Variants in PCDHA4 observed in about 807,000 individuals in gnomAD.
PCDHA4 encodes protocadherin alpha-4.
In PCDHA4, 49 loss-of-function variants were observed where a neutral mutation model predicts 61.4. That is an observed-to-expected ratio of 0.80 (90% CI 0.63 to 1.01). The LOEUF (loss-of-function observed/expected upper bound fraction) is 1.01. Ranked by LOEUF, PCDHA4 falls within the 50% of genes least tolerant of loss-of-function variation. The probability of loss-of-function intolerance (pLI) is 0.00; values close to 1 mark genes in which losing one functional copy is unlikely to be tolerated. For synonymous variants in PCDHA4, 590 were observed against 550.3 expected (o/e 1.07, Z -1.01); for missense variants, 1,254 against 1,235.8 (o/e 1.01, Z -0.22).
At chr5:140,998,850 A>T (rs904977478) in intron 3 of PCDHA4, among the ~76,000 whole-genome samples, 1 of 152,234 alleles carries the variant, frequency 6.6e-6, no homozygotes, top group African/African-American at 2.4e-5. Context: ...GGTGTGAGCC[A>T]CATGCCTGGC....
chr5:140,968,866 A>C, intron 1 of PCDHA4: 1 of 1,614,230 alleles, frequency 6.2e-7, no homozygotes, highest in Non-Finnish European at 8.5e-7. Context: ...GCCCTCGGAC[A>C]TACTCTGAAA....
At chr5:140,814,732 A>G (rs1021205164) in intron 1 of PCDHA4, 1 of 152,210 alleles carries the variant, frequency 6.6e-6, no homozygotes, top group African/African-American at 2.4e-5. Flanking sequence ...TTTCAGCTCC[A>G]TTATAATCTT....
chr5:140,877,982 T>A, intron 1 of PCDHA4: 1 of 1,221,278 alleles, frequency 8.2e-7, no homozygotes, highest in Non-Finnish European at 1.1e-6. Flanking sequence ...CTTACTCATT[T>A]TGAACTTTTA....
At chr5:140,995,860 A>C (rs1220139939) in intron 3 of PCDHA4, among the ~76,000 whole-genome samples, 1 of 152,220 alleles carries the variant, frequency 6.6e-6, no homozygotes, top group Non-Finnish European at 1.5e-5. Flanking sequence ...CGTATCACTT[A>C]ATAATTGTGC....
intron 1 of PCDHA4, chr5:140,843,075 T>C: frequency 6.3e-7 from 1 of 1,595,272 alleles, no homozygotes; most frequent in Non-Finnish European, 8.6e-7. Context: ...CCGCGGTCTG[T>C]GGGCGCGGGC....
chr5:140,830,290 G>C lies in PCDHA4; in HGVS notation c.2385+20718G>C, dbSNP rs2150184535. On this transcript the variant is annotated intron_variant, in intron 1 of 3. Transcript: ENST00000530339. Reference sequence around the variant, plus strand: ...CGCCACCCACCGAGGGCGCGTGCACGGCGGACAAGCCCACGCTGGTGTGCT... The same window carrying C: ...CGCCACCCACCGAGGGCGCGTGCACCGCGGACAAGCCCACGCTGGTGTGCT... 10 of 1,613,848 alleles carry C rather than the reference G, an allele frequency of 6.2e-6. No homozygotes were observed. In the African/African-American group the frequency reaches 9.3e-5, roughly 15 times the overall value.
chr5:140,819,098 AT>A (rs1766490568), intron 1 of PCDHA4, among the ~76,000 whole-genome samples: 2 of 152,214 alleles, frequency 1.3e-5, no homozygotes, highest in African/African-American at 4.8e-5. Flanking sequence ...TGTGTATTAT[AT>A]GCTCATGGTA....
chr5:140,848,546 G>A, intron 1 of PCDHA4: 1 of 1,595,440 alleles, frequency 6.3e-7, no homozygotes, highest in Non-Finnish European at 8.6e-7. Context: ...TACTGCTCTC[G>A]CTTCTGATCC....
At chr5:140,933,220 T>G (rs1179526168) in intron 1 of PCDHA4, among the ~76,000 whole-genome samples, 3 of 151,968 alleles carry the variant, frequency 2.0e-5, no homozygotes, top group African/African-American at 7.2e-5. Flanking sequence ...TCTGTTATAT[T>G]GCATTTATGA....
intron 1 of PCDHA4, among the ~76,000 whole-genome samples, chr5:140,904,512 C>A (rs1251570223): frequency 2.0e-5 from 3 of 151,738 alleles, no homozygotes; most frequent in African/African-American, 7.3e-5. Flanking sequence ...GTGAATTGTG[C>A]TGCTATAAAC....
At chr5:140,937,739 C>T (rs1563162684) in intron 1 of PCDHA4, among the ~76,000 whole-genome samples, 1 of 151,716 alleles carries the variant, frequency 6.6e-6, no homozygotes, top group African/African-American at 2.4e-5. Context: ...GGTGAAACCC[C>T]GTCTCTACTA....
At chr5:140,917,522 G>A (rs931609211) in intron 1 of PCDHA4, among the ~76,000 whole-genome samples, 1 of 152,144 alleles carries the variant, frequency 6.6e-6, no homozygotes, top group Non-Finnish European at 1.5e-5. Context: ...TTTATTCTAC[G>A]GTTTGTATAG....
intron 1 of PCDHA4, among the ~76,000 whole-genome samples, chr5:140,886,844 AAAAG>A (rs1232979230): frequency 6.0e-5 from 9 of 150,634 alleles, no homozygotes; most frequent in Non-Finnish European, 8.9e-5. Flanking sequence ...AAAAAAAAAA[AAAAG>A]AAAGGTCTTC....
chr5:140,992,460 G>T (rs1554252924), intron 3 of PCDHA4, among the ~76,000 whole-genome samples: 1 of 152,170 alleles, frequency 6.6e-6, no homozygotes, highest in African/African-American at 2.4e-5. Context: ...GCAGAGGACA[G>T]TACTCTTTAG....
At chr5:140,906,914 GC>G (rs2073038837) in intron 1 of PCDHA4, among the ~76,000 whole-genome samples, 1 of 152,182 alleles carries the variant, frequency 6.6e-6, no homozygotes, top group Admixed American at 6.5e-5. Context: ...GGTAGGAGGA[GC>G]CCAAAAAGTG....
In PCDHA4 at chr5:140,967,673, C is replaced by T. The variant is rs1563368144; in HGVS notation, c.2386-11276C>T. On this transcript the variant is annotated intron_variant, in intron 1 of 3. Transcript: ENST00000530339. ...CTCCTTGAGCAGCTACACGTCGGAC[C>T]GGGAGAGGCAGCTCTTCAGCATAGA... The T allele has an allele frequency of 2.5e-6, 4 of 1,614,130 alleles. No homozygotes were observed. In the East Asian group the frequency reaches 6.7e-5, roughly 27 times the overall value.
chr5:140,824,627 T>TTTTTTTTTTTTTTTTTTTTTTTG (rs1554130003), intron 1 of PCDHA4: 1 of 134,010 alleles, frequency 7.5e-6, no homozygotes, highest in African/African-American at 3.2e-5. Flanking sequence ...TTTTTTTTTT[T>TTTTTTTTTTTTTTTTTTTTTTTG]TTTTTATTTT....
At chr5:140,856,508 G>A (rs2044043194) in intron 1 of PCDHA4, 6 of 1,598,282 alleles carry the variant, frequency 3.8e-6, no homozygotes, top group Non-Finnish European at 5.1e-6. Context: ...ATTTCCACTA[G>A]AAGGCGCATC....
chr5:140,945,636 G>A (rs2093820936), intron 1 of PCDHA4, among the ~76,000 whole-genome samples: 1 of 152,092 alleles, frequency 6.6e-6, no homozygotes, highest in Admixed American at 6.6e-5. Context: ...TAAAAGACAT[G>A]TAGACCAATG....
Sources: allele counts gnomAD v4.1 joint callset (sites outside exome capture counted in the v4.1 genomes callset), GRCh38; gene constraint gnomAD v4.1.1; transcripts MANE v1.5; gene names NCBI Gene and HGNC (gene_info 2026-07-23, HGNC 2026-07-21).